DPP10: variants seen among roughly 807,000 people sequenced by gnomAD.
The protein encoded by DPP10 is inactive dipeptidyl peptidase 10.
A neutral mutation model predicts 120.9 loss-of-function variants in DPP10; 33 were observed. The ratio of observed to expected loss-of-function variants is 0.27; its 90% confidence interval spans 0.21 to 0.37. The LOEUF is 0.37. DPP10 is among the 10% of genes least tolerant of loss of function. DPP10 has a pLI of 1.00. For missense variants in DPP10, 816 were observed against 942.8 expected, an observed-to-expected ratio of 0.87 and a Z score of 1.76; for synonymous variants, 337 against 326.1, an observed-to-expected ratio of 1.03 and a Z score of -0.36.
chr2:115,656,851 T>G (rs1006931462), intron 5 of DPP10, among the ~76,000 whole-genome samples: 1 of 151,718 alleles, frequency 6.6e-6, no homozygotes, highest in Non-Finnish European at 1.5e-5. Flanking sequence ...TGAGAAGTGC[T>G]TCTTTCTTAC....
intron 2 of DPP10, among the ~76,000 whole-genome samples, chr2:115,335,753 A>G (rs1226294649): frequency 6.6e-6 from 1 of 152,004 alleles, no homozygotes; most frequent in East Asian, 1.9e-4. Context: ...CTAGTCAATA[A>G]TATTTAAAAT....
chr2:115,683,382 G>A (rs1348315696), intron 5 of DPP10, among the ~76,000 whole-genome samples: 1 of 151,860 alleles, frequency 6.6e-6, no homozygotes, highest in East Asian at 1.9e-4. Context: ...AATTTTGGGG[G>A]GCAATGAAAC....
At chr2:115,233,430 T>C (rs2057839582) in intron 1 of DPP10, among the ~76,000 whole-genome samples, 1 of 152,180 alleles carries the variant, frequency 6.6e-6, no homozygotes, top group African/African-American at 2.4e-5. Flanking sequence ...GTCCCGTGTG[T>C]GATTATAAGA....
At chr2:114,558,602 C>G (rs887865268) in intron 1 of DPP10, among the ~76,000 whole-genome samples, 2 of 152,228 alleles carry the variant, frequency 1.3e-5, no homozygotes, top group Admixed American at 1.3e-4. Context: ...AAAAGCTCCT[C>G]TAAAGCAGAA....
At chr2:114,666,675 T>C (rs967671209) in intron 1 of DPP10, among the ~76,000 whole-genome samples, 1 of 152,178 alleles carries the variant, frequency 6.6e-6, no homozygotes, top group African/African-American at 2.4e-5. Flanking sequence ...TGAGGCACCT[T>C]AGAGGTTATC....
At chr2:114,688,320 C>T (rs113387262) in intron 1 of DPP10, among the ~76,000 whole-genome samples, 179 of 151,988 alleles carry the variant, frequency 1.2e-3, no homozygotes, top group African/African-American at 3.9e-3. Flanking sequence ...ATCTATAATG[C>T]AATTCTGTAA....
intron 4 of DPP10, among the ~76,000 whole-genome samples, chr2:115,517,710 G>C (rs547596895): frequency 6.6e-6 from 1 of 152,006 alleles, no homozygotes; most frequent in Admixed American, 6.6e-5. Context: ...TTGACAATAC[G>C]TGAAGAGACA....
chr2:115,758,875 G>T (rs1048730600), intron 11 of DPP10, among the ~76,000 whole-genome samples: 1 of 152,022 alleles, frequency 6.6e-6, no homozygotes, highest in Non-Finnish European at 1.5e-5. Context: ...TTGGCATCCC[G>T]ATTGGATAAA....
intron 1 of DPP10, among the ~76,000 whole-genome samples, chr2:114,584,145 A>G (rs17765888): frequency 0.25 from 38,101 of 152,152 alleles, 5,011 homozygotes; most frequent in Non-Finnish European, 0.28. Context: ...TATTCTGAGC[A>G]TGCATTTTAC....
intron 5 of DPP10, among the ~76,000 whole-genome samples, chr2:115,641,701 G>T (rs2086795783): frequency 6.6e-6 from 1 of 152,128 alleles, no homozygotes; most frequent in South Asian, 2.1e-4. Flanking sequence ...AAGAATGCCT[G>T]TCAGATACTG....
rs1258181672 is a variant in DPP10 at position 114,661,362 on chromosome 2, C to T, written c.60+218524C>T. On this transcript the variant is annotated intron_variant, in intron 1 of 25. Transcript: ENST00000410059. ...CAAATTTGGTTTTGTAGATGTCATA[C>T]TACATGCATGTAATATACATGACAA... Among the ~76,000 whole-genome samples the T allele has an allele frequency of 2.0e-5, 3 of 152,178 alleles. 1 individual carries two copies. Among genetic ancestry groups the T allele is most frequent in the Admixed American group, 1.3e-4 (2 of 15,280 alleles).
At chr2:115,099,734 G>A (rs943977255) in intron 1 of DPP10, among the ~76,000 whole-genome samples, 3 of 152,132 alleles carry the variant, frequency 2.0e-5, no homozygotes, top group African/African-American at 7.2e-5. Context: ...GCTGTCTCCT[G>A]GAGGATGGGT....
At chr2:115,046,906 A>G (rs74646090) in intron 1 of DPP10, among the ~76,000 whole-genome samples, 4,924 of 152,134 alleles carry the variant, frequency 0.032, 175 homozygotes, top group East Asian at 0.17. Context: ...TTTCCTAAAC[A>G]TAATTGCAGA....
intron 16 of DPP10, 99 bp from the exon 17 acceptor site, chr2:115,782,253 G>A: frequency 2.0e-6 from 2 of 985,740 alleles, no homozygotes; most frequent in Non-Finnish European, 1.5e-6. Flanking sequence ...TAACCACGAA[G>A]TGCTTCCATT....
chr2:115,197,915 A>G (rs2055403851), intron 1 of DPP10, among the ~76,000 whole-genome samples: 2 of 152,170 alleles, frequency 1.3e-5, no homozygotes, highest in Non-Finnish European at 2.9e-5. Flanking sequence ...CTCCCCAAAG[A>G]GCAATTTCAG....
chr2:115,462,107 C>T (rs1201265396), intron 3 of DPP10, among the ~76,000 whole-genome samples: 3 of 152,062 alleles, frequency 2.0e-5, no homozygotes, highest in Non-Finnish European at 4.4e-5. Context: ...AATTGAACTC[C>T]CTGTTGTTCC....
intron 1 of DPP10, among the ~76,000 whole-genome samples, chr2:114,924,628 T>C (rs1695463997): frequency 6.6e-6 from 1 of 151,146 alleles, no homozygotes; most frequent in African/African-American, 2.4e-5. Flanking sequence ...TGAGATGAAA[T>C]TGAGGGAAAA....
At chr2:115,297,482 A>T (rs1369105132) in intron 1 of DPP10, among the ~76,000 whole-genome samples, 1 of 151,926 alleles carries the variant, frequency 6.6e-6, no homozygotes, top group Non-Finnish European at 1.5e-5. Context: ...ACATTCTAAA[A>T]GTAACTTCAA....
chr2:115,328,268 G>A (rs1167498382), intron 2 of DPP10, among the ~76,000 whole-genome samples: 2 of 152,048 alleles, frequency 1.3e-5, no homozygotes, highest in Admixed American at 6.6e-5. Context: ...AATGTGGAAA[G>A]CTTACATACA....
Sources: gnomAD v4.1 joint callset for allele counts (sites outside exome capture counted in the v4.1 genomes callset) on GRCh38, gnomAD v4.1.1 for gene constraint, MANE v1.5 for transcripts, NCBI Gene and HGNC (gene_info 2026-07-23, HGNC 2026-07-21) for gene names.